Variants in ZMYM6 observed in about 807,000 individuals in gnomAD.
The protein encoded by ZMYM6 is zinc finger MYM-type containing 6, also known as zinc finger MYM-type protein 6.
ZMYM6 carries 90 observed loss-of-function variants against 134.0 expected under a neutral mutation model. That is an observed-to-expected ratio of 0.67 (90% CI 0.57 to 0.80). The LOEUF (loss-of-function observed/expected upper bound fraction) is 0.80, where lower values mean the gene tolerates loss of function less well. Among genes scored for constraint, ZMYM6 ranks in the 30% least tolerant of loss-of-function variants. The probability of loss-of-function intolerance (pLI) is 0.00; values close to 1 mark genes in which losing one functional copy is unlikely to be tolerated. For synonymous variants in ZMYM6, 481 were observed against 524.1 expected (o/e 0.92, Z 1.12); for missense variants, 1,362 against 1,533.9 (o/e 0.89, Z 1.87).
rs777483941 is a variant in ZMYM6, at chr1:35,014,967, TA to T, written c.603+20del. The stretch of plus-strand genomic sequence containing the variant: ...AAAATCTCTTTCAGCAGAATCCCAA[TA>T]AAAGTAAAATGTAACTTACATCAGC... On this transcript the variant is annotated intron_variant, in intron 5 of 15. Transcript: ENST00000357182. 7 of 1,610,274 alleles carry T rather than the reference TA, an allele frequency of 4.3e-6. No homozygotes were observed. The African/African-American group carries it at 9.4e-5, about 22-fold the overall frequency.
chr1:35,028,324 A>AG (rs1262465751), intron 2 of ZMYM6, among the ~76,000 whole-genome samples: 1 of 151,446 alleles, frequency 6.6e-6, no homozygotes, highest in African/African-American at 2.4e-5. Context: ...TCTCAAAAAA[A>AG]AAAAAGGAAT....
chr1:34,999,636 C>A (rs1395197012), intron 14 of ZMYM6, among the ~76,000 whole-genome samples: 1 of 151,956 alleles, frequency 6.6e-6, no homozygotes, highest in Non-Finnish European at 1.5e-5. Flanking sequence ...AAAGAAAATT[C>A]AAATGACCAA....
intron 4 of ZMYM6, chr1:35,018,732 C>T (rs1641250562): frequency 1.3e-5 from 2 of 152,338 alleles, no homozygotes; most frequent in South Asian, 4.1e-4. Context: ...CAAGCTCTTA[C>T]TGTTTTTTGC....
Position 34,986,350 on chromosome 1 carries a change from A to AT in ZMYM6, c.*753_*754insA, listed in dbSNP as rs1436259006. The AT allele has an allele frequency of 6.6e-6, 1 of 152,230 alleles. No homozygotes were observed. Among genetic ancestry groups the AT allele is most frequent in the African/African-American group, 2.4e-5 (1 of 41,464 alleles). The allele number at this position is 152,230 out of a possible 1,614,324, so 9.4% of individuals were successfully genotyped here. A position where few individuals can be genotyped will look rare whatever the true frequency, so the allele number is the denominator to read the frequency against. ...CTAAGCCCTGGTATATTGGGCCAGA[A>AT]AGGCCCCAAGCAGGGGTCTCAAATC... On this transcript the variant is annotated 3_prime_UTR_variant, in exon 16 of 16. Coordinates refer to ENST00000357182, the MANE Select transcript of ZMYM6 (RefSeq NM_007167.4).
intron 14 of ZMYM6, among the ~76,000 whole-genome samples, chr1:34,998,324 T>G (rs1426169159): frequency 6.6e-6 from 1 of 152,226 alleles, no homozygotes; most frequent in Non-Finnish European, 1.5e-5. Context: ...TACTGGGTTG[T>G]CTGTCTATTC....
intron 15 of ZMYM6, among the ~76,000 whole-genome samples, chr1:34,991,229 C>T (rs960944713): frequency 6.6e-6 from 1 of 152,158 alleles, no homozygotes; most frequent in Non-Finnish European, 1.5e-5. Context: ...CATACACACA[C>T]ACATACACAC....
At chr1:35,008,609 A>G (rs2148451856) in intron 11 of ZMYM6, 143 bp downstream of exon 11, 1 of 741,254 alleles carries the variant, frequency 1.3e-6, no homozygotes, top group Non-Finnish European at 2.0e-6. Flanking sequence ...TTTATATTCA[A>G]TTGAATTTTT....
In ZMYM6 at chr1:35,012,427, T is replaced by C. The variant is rs2148454009; in HGVS notation, c.946+4A>G. The C allele has an allele frequency of 6.6e-7, 1 of 1,517,738 alleles. No individual in the cohort carries two copies. The highest frequency in any genetic ancestry group is 8.8e-7 in the Non-Finnish European group (1 of 1,137,052). The allele number at this position is 1,517,738 out of a possible 1,614,324, so 94.0% of individuals were successfully genotyped here. A position where few individuals can be genotyped will look rare whatever the true frequency, so the allele number is the denominator to read the frequency against. ...TCTATAAATTTATCAAATTTAAACA[T>C]TACCTGAAGAAGTAACAGTCTTAAC... On this transcript the variant is annotated splice_donor_region_variant and intron_variant, in intron 7 of 15. Coordinates refer to ENST00000357182, the MANE Select transcript of ZMYM6 (RefSeq NM_007167.4).
intron 2 of ZMYM6, among the ~76,000 whole-genome samples, chr1:35,026,039 T>A (rs1425455276): frequency 6.6e-6 from 1 of 152,134 alleles, no homozygotes; most frequent in Non-Finnish European, 1.5e-5. Flanking sequence ...TTTTTTTTTT[T>A]AGATGGAGTC....
In ZMYM6 at chr1:34,996,903, A is replaced by G. The variant is rs1173838393; in HGVS notation, c.1993-4516T>C. On this transcript the variant is annotated intron_variant, in intron 14 of 15. Coordinates refer to ENST00000357182, the MANE Select transcript of ZMYM6 (RefSeq NM_007167.4). ...CACAATAACTCAGAGTGAATGCACC[A>G]TGGCCCTGACCACTGGTGAAATTTA... is the stretch of plus-strand genomic sequence containing the variant. 4.6e-5 allele frequency among the ~76,000 whole-genome samples: 7 copies of G among 152,200 alleles called. No homozygotes were observed. The East Asian group carries it at 9.6e-4, about 21-fold the overall frequency.
intron 6 of ZMYM6, chr1:35,013,150 A>C (rs1641116039): frequency 1.2e-6 from 1 of 813,372 alleles, no homozygotes; most frequent in African/African-American, 1.9e-5. Flanking sequence ...AACTTACTGA[A>C]TGCTTACCAT....
chr1:35,029,118 G>C (rs919980722), intron 2 of ZMYM6, among the ~76,000 whole-genome samples: 1 of 152,040 alleles, frequency 6.6e-6, no homozygotes, highest in Non-Finnish European at 1.5e-5. Flanking sequence ...CTTGAACCCG[G>C]GATGTGAAAG....
chr1:34,988,831 C>T lies in ZMYM6; in HGVS notation c.2251G>A (p.Val751Ile). ...GATCCAGGACAGATAATAAAACCAA[C>T]TTTTAAATATTCTGTATCATAAGTC... ...FQTYDTEYLK[V>I]GFIICPGSKE... The change falls in exon 16 of 16, where the codon GTT becomes ATT. Residue 751 changes from valine (V) to isoleucine (I), a missense_variant. Coordinates refer to ENST00000357182, the MANE Select transcript of ZMYM6 (RefSeq NM_007167.4). 1.3e-6 allele frequency: 2 copies of T among 1,574,870 alleles called. No individual in the cohort carries two copies. Among genetic ancestry groups the T allele is most frequent in the Non-Finnish European group, 1.7e-6 (2 of 1,158,024 alleles).
intron 12 of ZMYM6, 107 bp from the exon 13 acceptor site, chr1:35,005,379 G>A: frequency 8.4e-7 from 1 of 1,185,058 alleles, no homozygotes; most frequent in Non-Finnish European, 1.2e-6. Flanking sequence ...TTTTCAAGAA[G>A]CAATATAAAT....
At chr1:35,015,515 G>T (rs1338258089) in intron 4 of ZMYM6, among the ~76,000 whole-genome samples, 1 of 151,724 alleles carries the variant, frequency 6.6e-6, no homozygotes, top group Non-Finnish European at 1.5e-5. Flanking sequence ...CATGAGGTCA[G>T]GAGTTCGAGA....
At chr1:34,995,395 TACAC>T (rs144736115) in intron 14 of ZMYM6, among the ~76,000 whole-genome samples, 5,309 of 150,722 alleles carry the variant, frequency 0.035, 334 homozygotes, top group African/African-American at 0.12. Context: ...TATATATATA[TACAC>T]ACACACACAC....
intron 2 of ZMYM6, among the ~76,000 whole-genome samples, chr1:35,029,321 T>C (rs987333441): frequency 1.3e-5 from 2 of 151,392 alleles, no homozygotes; most frequent in Admixed American, 1.3e-4. Flanking sequence ...TAGCACAAGT[T>C]CTGGAGTCTG....
At chr1:35,011,143 TA>T (rs1050588888) in intron 8 of ZMYM6, 107 bp from the exon 9 acceptor site, 8 of 1,180,518 alleles carry the variant, frequency 6.8e-6, no homozygotes, top group Admixed American at 5.6e-5. Context: ...AAACATTTTT[TA>T]AAATTTTCTA....
At chr1:35,020,527 G>C (rs1218620830) in intron 2 of ZMYM6, 60 bp from the exon 3 acceptor site, 192 of 852,168 alleles carry the variant, frequency 2.3e-4, no homozygotes, top group Middle Eastern at 3.3e-4. Flanking sequence ...AAGTAAACTA[G>C]AAATTCAAGC....
Sources: gnomAD v4.1 joint callset for allele counts (sites outside exome capture counted in the v4.1 genomes callset) on GRCh38, gnomAD v4.1.1 for gene constraint, MANE v1.5 for transcripts, NCBI Gene and HGNC (gene_info 2026-07-23, HGNC 2026-07-21) for gene names.